The following JMJD1C variants were observed in gnomAD, a reference collection of about 807,000 sequenced individuals.
JMJD1C encodes jumonji domain-containing protein 1C.
JMJD1C carries 31 observed loss-of-function variants against 245.3 expected under a neutral mutation model. The observed-to-expected ratio is 0.13, with a 90% CI of 0.09 to 0.17. JMJD1C has a LOEUF of 0.17. JMJD1C is among the 10% of genes least tolerant of loss of function. JMJD1C has a pLI of 1.00. For synonymous variants in JMJD1C, 1,057 were observed against 1,017.4 expected (o/e 1.04, Z -0.74); for missense variants, 2,691 against 3,000.2 (o/e 0.90, Z 2.41).
intron 1 of JMJD1C, among the ~76,000 whole-genome samples, chr10:63,513,109 T>C (rs188334523): frequency 6.6e-6 from 1 of 152,322 alleles, no homozygotes; most frequent in African/African-American, 2.4e-5. Context: ...GCCTTTTGCA[T>C]GTTAATCCTA....
intron 12 of JMJD1C, among the ~76,000 whole-genome samples, chr10:63,198,063 CAT>C (rs1845647184): frequency 6.6e-6 from 1 of 152,208 alleles, no homozygotes; most frequent in Non-Finnish European, 1.5e-5. Flanking sequence ...CTTAAGTAAA[CAT>C]AATTAACATA....
chr10:63,382,226 G>C lies in JMJD1C; in HGVS notation c.169-1744C>G, dbSNP rs148727271. Among the ~76,000 whole-genome samples the C allele has an allele frequency of 8.7e-3, 1,327 of 152,190 alleles. 21 individuals carry two copies. Among genetic ancestry groups the C allele is most frequent in the African/African-American group, 0.03 (1,254 of 41,530 alleles). The stretch of plus-strand genomic sequence containing the variant: ...AACTCCGTCACACACACACAGAAGA[G>C]AGTAAATAGTAAATACTTCATATTT... On this transcript the variant is annotated intron_variant, in intron 1 of 25. Coordinates refer to ENST00000399262, the MANE Select transcript of JMJD1C (RefSeq NM_032776.3).
rs575190328 is a variant in JMJD1C, at chr10:63,363,164, G to C, written c.333+17154C>G. Among the ~76,000 whole-genome samples, 18 of 151,602 alleles carry C rather than the reference G, an allele frequency of 1.2e-4. No homozygotes were observed. The East Asian group carries it at 2.9e-3, about 25-fold the overall frequency. Reference sequence around the variant, plus strand: ...ACCTCTACTGTTCATATTCTTGAGAGAATGTACTGTAAGTGGTGAAGAGGT... The same window carrying C: ...ACCTCTACTGTTCATATTCTTGAGACAATGTACTGTAAGTGGTGAAGAGGT... On this transcript the variant is annotated intron_variant, in intron 2 of 25. Coordinates refer to ENST00000399262, the MANE Select transcript of JMJD1C (RefSeq NM_032776.3).
chr10:63,362,065 T>C (rs147502123), intron 2 of JMJD1C, among the ~76,000 whole-genome samples: 1,763 of 152,004 alleles, frequency 0.012, 28 homozygotes, highest in African/African-American at 0.041. Flanking sequence ...CAAAACCCCA[T>C]TGCTACTAAA....
At chr10:63,401,136 G>A (rs534832900) in intron 1 of JMJD1C, among the ~76,000 whole-genome samples, 2 of 152,184 alleles carry the variant, frequency 1.3e-5, no homozygotes, top group Admixed American at 6.5e-5. Context: ...TGGGACTACA[G>A]GCGTGAGCCA....
At chr10:63,387,051 A>G (rs1351852403) in intron 1 of JMJD1C, among the ~76,000 whole-genome samples, 3 of 152,198 alleles carry the variant, frequency 2.0e-5, no homozygotes, top group Non-Finnish European at 2.9e-5. Context: ...ATCACAGACA[A>G]CACTGACCCT....
At chr10:63,181,215 G>A (rs1042297676) in intron 22 of JMJD1C, among the ~76,000 whole-genome samples, 2 of 152,066 alleles carry the variant, frequency 1.3e-5, no homozygotes, top group African/African-American at 2.4e-5. Context: ...AATGACAGTT[G>A]ATGTTTCTAA....
At chr10:63,366,138 A>G (rs975010306) in intron 2 of JMJD1C, among the ~76,000 whole-genome samples, 3 of 152,246 alleles carry the variant, frequency 2.0e-5, no homozygotes, top group African/African-American at 7.2e-5. Context: ...AGAGAAAGGA[A>G]TAACTAAAGG....
At chr10:63,295,959 A>ATGTGTGTGTGTGTG (rs370590868) in intron 2 of JMJD1C, among the ~76,000 whole-genome samples, 4 of 89,846 alleles carry the variant, frequency 4.5e-5, no homozygotes, top group African/African-American at 1.8e-4. Context: ...ATACACGTAT[A>ATGTGTGTGTGTGTG]TGTGTGTGTG....
intron 1 of JMJD1C, among the ~76,000 whole-genome samples, chr10:63,415,503 TTA>T (rs1462490323): frequency 6.6e-6 from 1 of 152,174 alleles, no homozygotes; most frequent in Non-Finnish European, 1.5e-5. Context: ...CAAAACTTTA[TTA>T]TAGGTGTTTG....
chr10:63,241,078 G>A (rs532578457), intron 3 of JMJD1C, among the ~76,000 whole-genome samples: 3 of 152,302 alleles, frequency 2.0e-5, no homozygotes, highest in East Asian at 1.9e-4. Context: ...TACTGTGAAT[G>A]AGACTCGACT....
At chr10:63,475,449 A>T (rs1181145305) in intron 1 of JMJD1C, among the ~76,000 whole-genome samples, 1 of 152,184 alleles carries the variant, frequency 6.6e-6, no homozygotes, top group Non-Finnish European at 1.5e-5. Flanking sequence ...AATGGCTTCC[A>T]AATATATTCC....
intron 1 of JMJD1C, among the ~76,000 whole-genome samples, chr10:63,506,736 C>A (rs1362962521): frequency 6.6e-6 from 1 of 152,170 alleles, no homozygotes. Flanking sequence ...AAGAATGGTA[C>A]ATTTGTTACC....
chr10:63,352,916 C>G (rs756302251), intron 2 of JMJD1C, among the ~76,000 whole-genome samples: 3 of 152,058 alleles, frequency 2.0e-5, no homozygotes, highest in Admixed American at 6.6e-5. Flanking sequence ...TAAAAGTAGG[C>G]TGGTGGTCCT....
At chr10:63,217,378 T>G (rs1315780984) in intron 4 of JMJD1C, 47 bp from the exon 5 acceptor site, 2 of 1,439,262 alleles carry the variant, frequency 1.4e-6, no homozygotes, top group African/African-American at 2.9e-5. Context: ...GGAGACATCT[T>G]CATTTAATAA....
chr10:63,440,365 T>TATGG (rs749850334), intron 1 of JMJD1C, among the ~76,000 whole-genome samples: 1 of 138,250 alleles, frequency 7.2e-6, no homozygotes, highest in Non-Finnish European at 1.5e-5. Context: ...TATATATATA[T>TATGG]AGAGAGAGAG....
chr10:63,231,550 TTGGGA>T (rs1393949312), intron 3 of JMJD1C, among the ~76,000 whole-genome samples: 1 of 152,124 alleles, frequency 6.6e-6, no homozygotes, highest in African/African-American at 2.4e-5. Flanking sequence ...TTCCAGCACT[TTGGGA>T]GGCCACGGCG....
chr10:63,256,343 A>G (rs143070581), intron 3 of JMJD1C, among the ~76,000 whole-genome samples: 65 of 152,322 alleles, frequency 4.3e-4, no homozygotes, highest in Admixed American at 1.4e-3. Flanking sequence ...GACCTTAATA[A>G]GCATGTTTCA....
upstream of JMJD1C, among the ~76,000 whole-genome samples, chr10:63,470,809 T>C (rs1953467242): frequency 6.6e-6 from 1 of 152,220 alleles, no homozygotes; most frequent in Non-Finnish European, 1.5e-5. Flanking sequence ...AATTGTACTT[T>C]CTATCCATCT....
Sources: allele counts gnomAD v4.1 joint callset (sites outside exome capture counted in the v4.1 genomes callset), GRCh38; gene constraint gnomAD v4.1.1; transcripts MANE v1.5; gene names NCBI Gene and HGNC (gene_info 2026-07-23, HGNC 2026-07-21).